The following PATJ variants were observed in gnomAD, a reference collection of about 807,000 sequenced individuals.
PATJ encodes inaD-like protein.
In PATJ, 190 loss-of-function variants were observed where a neutral mutation model predicts 224.9. The observed-to-expected ratio is 0.84, with a 90% CI of 0.75 to 0.95. The LOEUF (loss-of-function observed/expected upper bound fraction) is 0.95. PATJ is among the 40% of genes least tolerant of loss of function. PATJ has a pLI of 0.00. For synonymous variants in PATJ, 769 were observed against 820.3 expected (o/e 0.94, Z 1.07); for missense variants, 2,121 against 2,270.3 (o/e 0.93, Z 1.34).
At chr1:61,996,741 CTTTTTTTTT>C (rs56215259) in intron 28 of PATJ, among the ~76,000 whole-genome samples, 1 of 97,736 alleles carries the variant, frequency 1.0e-5, no homozygotes, top group Non-Finnish European at 2.0e-5. Flanking sequence ...CTTTTCTTTT[CTTTTTTTTT>C]TTTTTTTTTT....
chr1:61,937,284 G>A (rs145105380), intron 27 of PATJ, among the ~76,000 whole-genome samples: 22 of 152,252 alleles, frequency 1.4e-4, no homozygotes, highest in African/African-American at 5.3e-4. Context: ...CCAGGCTAGA[G>A]TGCAGTGGCA....
intron 30 of PATJ, among the ~76,000 whole-genome samples, chr1:62,048,545 C>CA (rs773157635): frequency 0.012 from 801 of 66,114 alleles, 43 homozygotes; most frequent in East Asian, 0.036. Flanking sequence ...GACTCTGTCT[C>CA]AAAAAAAAAA....
intron 14 of PATJ, among the ~76,000 whole-genome samples, chr1:61,821,644 A>G (rs994039348): frequency 4.6e-5 from 7 of 152,300 alleles, no homozygotes; most frequent in African/African-American, 1.7e-4. Context: ...GGGATAGAAG[A>G]TCACAGAGAA....
intron 18 of PATJ, among the ~76,000 whole-genome samples, chr1:61,856,896 T>C (rs1416319074): frequency 6.6e-6 from 1 of 152,212 alleles, no homozygotes; most frequent in Non-Finnish European, 1.5e-5. Context: ...CTGGCTATTC[T>C]TATATGTAAA....
At chr1:62,109,562 C>G (rs115837491) in intron 34 of PATJ, among the ~76,000 whole-genome samples, 2,409 of 152,308 alleles carry the variant, frequency 0.016, 33 homozygotes, top group Non-Finnish European at 0.022. Context: ...ATAAGCAAGA[C>G]CTCTCTGGGA....
At chr1:61,922,097 C>CAGT (rs1201932926) in intron 26 of PATJ, among the ~76,000 whole-genome samples, 2 of 151,824 alleles carry the variant, frequency 1.3e-5, no homozygotes, top group African/African-American at 2.4e-5. Context: ...GGTTGGAGTG[C>CAGT]AGTAGTGCAA....
Position 62,079,961 on chromosome 1 carries a change from G to A in PATJ, c.4243+394G>A, listed in dbSNP as rs1381412187. Among the ~76,000 whole-genome samples, 4 of 151,526 alleles carry A rather than the reference G, an allele frequency of 2.6e-5. No homozygotes were observed. In the South Asian group the frequency reaches 6.3e-4, roughly 24 times the overall value. On this transcript the variant is annotated intron_variant, in intron 32 of 43. Transcript: ENST00000642238. ...GAGAATCGCCTGAACCCAGGAGGCA[G>A]AAGTTGCAGTAAGCTGAGATTGCAC...
At chr1:62,114,787 T>C (rs553602242) in intron 35 of PATJ, 1 of 154,552 alleles carries the variant, frequency 6.5e-6, no homozygotes, top group South Asian at 2.0e-4. Flanking sequence ...ACCTGTTGTC[T>C]CAGCTATGTG....
At chr1:61,940,124 A>C (rs566765795) in intron 27 of PATJ, among the ~76,000 whole-genome samples, 7 of 152,254 alleles carry the variant, frequency 4.6e-5, no homozygotes, top group Admixed American at 3.9e-4. Flanking sequence ...ATATATATTT[A>C]TGTATTTAAT....
chr1:62,104,655 T>G (rs190848417), intron 33 of PATJ, among the ~76,000 whole-genome samples: 1 of 152,286 alleles, frequency 6.6e-6, no homozygotes, highest in African/African-American at 2.4e-5. Context: ...TCTTGTATCT[T>G]CACTGATAAC....
intron 27 of PATJ, among the ~76,000 whole-genome samples, chr1:61,964,141 G>C (rs1287468041): frequency 1.3e-5 from 2 of 151,180 alleles, no homozygotes; most frequent in East Asian, 3.9e-4. Flanking sequence ...GAGTACAGTG[G>C]CATGATCTCA....
chr1:62,117,528 C>T (rs1010722645), intron 37 of PATJ: 3 of 566,812 alleles, frequency 5.3e-6, no homozygotes, highest in Non-Finnish European at 7.1e-6. Context: ...AAGGCAACAT[C>T]TGGTGGCAAT....
At chr1:61,795,094 G>T (rs1650776449) in intron 9 of PATJ, among the ~76,000 whole-genome samples, 1 of 120,182 alleles carries the variant, frequency 8.3e-6, no homozygotes, top group East Asian at 2.4e-4. Context: ...TTGTCATAGT[G>T]ATGGTAAAAA....
intron 39 of PATJ, among the ~76,000 whole-genome samples, chr1:62,125,251 A>C (rs113816919): frequency 1.4e-4 from 14 of 100,584 alleles, no homozygotes; most frequent in Admixed American, 6.2e-4. Flanking sequence ...AAAAAAAAAA[A>C]AACAAAAAAA....
At chr1:62,026,523 C>G (rs1181532820) in intron 29 of PATJ, among the ~76,000 whole-genome samples, 1 of 150,568 alleles carries the variant, frequency 6.6e-6, no homozygotes, top group Non-Finnish European at 1.5e-5. Flanking sequence ...AATGATGTAC[C>G]AGGCACTAGA....
At chr1:61,743,929 A>G (rs947268512) in intron 1 of PATJ, among the ~76,000 whole-genome samples, 4 of 152,178 alleles carry the variant, frequency 2.6e-5, no homozygotes, top group African/African-American at 9.7e-5. Context: ...AAGTGCAGAT[A>G]AGCTGCGTGA....
At chr1:62,051,924 G>A (rs1005362677) in intron 31 of PATJ, among the ~76,000 whole-genome samples, 10 of 152,082 alleles carry the variant, frequency 6.6e-5, no homozygotes, top group African/African-American at 1.9e-4. Context: ...TTTCCTACAC[G>A]TGAGGAAACT....
intron 30 of PATJ, among the ~76,000 whole-genome samples, chr1:62,040,809 T>C (rs969547281): frequency 2.0e-5 from 3 of 151,180 alleles, no homozygotes; most frequent in Non-Finnish European, 4.4e-5. Flanking sequence ...ACATAGTTTT[T>C]AAAGGATCCA....
In PATJ at chr1:62,128,941, T is replaced by TGCAG. The variant is rs767045910; in HGVS notation, c.5269_5271+1dup. The TGCAG allele has an allele frequency of 1.6e-5, 26 of 1,596,760 alleles. No homozygotes were observed. In the South Asian group the frequency reaches 2.8e-4, roughly 17 times the overall value. On this transcript the variant is annotated frameshift_variant, in exon 41 of 44. Transcript: ENST00000642238. LOFTEE classifies it high-confidence loss of function. ...AAGAACGCCTACGGGCGCATTATCC[T>TGCAG]GCAGGTATTGCGATCAACGGAGCAC... is the stretch of plus-strand genomic sequence containing the variant.
Sources: allele counts gnomAD v4.1 joint callset (sites outside exome capture counted in the v4.1 genomes callset), GRCh38; gene constraint gnomAD v4.1.1; transcripts MANE v1.5; gene names NCBI Gene and HGNC (gene_info 2026-07-23, HGNC 2026-07-21).